PYM1: variants seen among roughly 807,000 people sequenced by gnomAD.
The protein encoded by PYM1 is partner of Y14 and mago.
Under a neutral mutation model 20.7 loss-of-function variants are expected in PYM1, and 7 were observed. That is an observed-to-expected ratio of 0.34 (90% CI 0.19 to 0.64). The LOEUF (loss-of-function observed/expected upper bound fraction) is 0.64. Ranked by LOEUF, PYM1 falls within the 30% of genes least tolerant of loss-of-function variation. The pLI is 0.74. For missense variants in PYM1, 194 were observed against 250.0 expected (o/e 0.78, Z 1.51); for synonymous variants, 100 against 99.2 (o/e 1.01, Z -0.05).
At chr12:55,922,887 A>G in intron 1 of PYM1, among the ~76,000 whole-genome samples, 1 of 152,186 alleles carries the variant, frequency 6.6e-6, no homozygotes, top group Non-Finnish European at 1.5e-5. Context: ...TGAGAACTAA[A>G]TGTTATGTAG....
chr12:55,911,457 G>A (rs758869024), intron 1 of PYM1, among the ~76,000 whole-genome samples: 13 of 152,022 alleles, frequency 8.6e-5, no homozygotes, highest in Non-Finnish European at 1.3e-4. Flanking sequence ...TACAAAGGTC[G>A]GCTTTGCAGA....
At chr12:55,918,007 A>C (rs938941041) in intron 1 of PYM1, among the ~76,000 whole-genome samples, 4 of 152,140 alleles carry the variant, frequency 2.6e-5, no homozygotes, top group African/African-American at 9.7e-5. Context: ...TTGGGTACTA[A>C]GCTCACTATC....
intron 1 of PYM1, 43 bp downstream of exon 1, chr12:55,927,680 CCG>C: frequency 2.0e-6 from 3 of 1,537,148 alleles, no homozygotes; most frequent in Non-Finnish European, 2.6e-6. Flanking sequence ...CACCAGAGAC[CCG>C]CGGGAGGGGC....
intron 1 of PYM1, among the ~76,000 whole-genome samples, chr12:55,904,322 G>A (rs1006787985): frequency 6.6e-5 from 10 of 151,204 alleles, no homozygotes; most frequent in South Asian, 2.1e-4. Flanking sequence ...GGCCAGGCAC[G>A]GTGGCTCATG....
chr12:55,910,534 C>T (rs1882904490), intron 1 of PYM1, among the ~76,000 whole-genome samples: 1 of 152,092 alleles, frequency 6.6e-6, no homozygotes, highest in African/African-American at 2.4e-5. Context: ...CCTCCGCCTC[C>T]TGGGTTCAAG....
intron 2 of PYM1, among the ~76,000 whole-genome samples, chr12:55,902,933 G>C (rs1882721986): frequency 6.6e-6 from 1 of 152,054 alleles, no homozygotes; most frequent in African/African-American, 2.4e-5. Context: ...ACGCCTGGCT[G>C]ATGTTTGTAT....
intron 1 of PYM1, among the ~76,000 whole-genome samples, chr12:55,915,326 A>G (rs1232297452): frequency 6.6e-6 from 1 of 151,724 alleles, no homozygotes; most frequent in African/African-American, 2.4e-5. Context: ...GCATTTTGGA[A>G]ATCCCTGGTT....
At chr12:55,917,375 G>A (rs1463465124) in intron 1 of PYM1, among the ~76,000 whole-genome samples, 6 of 147,392 alleles carry the variant, frequency 4.1e-5, no homozygotes, top group Admixed American at 2.0e-4. Context: ...AGCCAAGGTC[G>A]CACCATTGCA....
chr12:55,905,998 A>ATATCTATTAG (rs1882810074), intron 1 of PYM1, among the ~76,000 whole-genome samples: 1 of 140,290 alleles, frequency 7.1e-6, no homozygotes, highest in South Asian at 2.1e-4. Flanking sequence ...ATATAAAATA[A>ATATCTATTAG]ATAAGTTTTC....
At chr12:55,918,199 G>A (rs905524199) in intron 1 of PYM1, among the ~76,000 whole-genome samples, 8 of 150,920 alleles carry the variant, frequency 5.3e-5, no homozygotes, top group African/African-American at 1.2e-4. Context: ...CCGGGTTCAC[G>A]CCATTCTCCT....
At chr12:55,912,585 AG>A (rs869069815) in intron 1 of PYM1, among the ~76,000 whole-genome samples, 9 of 149,984 alleles carry the variant, frequency 6.0e-5, no homozygotes, top group South Asian at 2.1e-4. Context: ...ACTCCGCAAG[AG>A]GGGGGAAAAA....
chr12:55,903,437 G>A lies in PYM1; in HGVS notation c.81C>T (p.Arg27=). ...ASTQRPDGTW[R]KQRRVKEGYV... ...ATCCTTCTTTCACCCTCCGCTGCTT[G>A]CGCCAGGTCCCGTCAGGTCGCTGTG... The change falls in exon 2 of 3, where the codon CGC becomes CGT. Residue 27 remains arginine, a synonymous_variant. Transcript: ENST00000408946. 6.2e-7 allele frequency: 1 copy of A among 1,614,044 alleles called. No homozygotes were observed. The highest frequency in any genetic ancestry group is 8.5e-7 in the Non-Finnish European group (1 of 1,180,042).
rs190392950 is a variant in PYM1 at position 55,926,595 on chromosome 12, C to T, written c.37+1130G>A. On this transcript the variant is annotated intron_variant, in intron 1 of 2. Transcript: ENST00000408946. ...CTCAGTGACCCAACAAATGAAGATA[C>T]GGGAGAGGAAAAGGTACTATGTAGA... is the stretch of plus-strand genomic sequence containing the variant. Among the ~76,000 whole-genome samples the T allele has an allele frequency of 3.9e-4, 59 of 152,036 alleles. 2 individuals carry two copies. The East Asian group carries it at 4.4e-3, about 11-fold the overall frequency.
chr12:55,914,549 A>G (rs529765378), intron 1 of PYM1, among the ~76,000 whole-genome samples: 68 of 152,280 alleles, frequency 4.5e-4, no homozygotes, highest in Admixed American at 1.2e-3. Context: ...AAACTCTTAC[A>G]CTGAAAGGGT....
intron 1 of PYM1, among the ~76,000 whole-genome samples, chr12:55,921,346 T>C (rs1354376331): frequency 6.6e-6 from 1 of 152,158 alleles, no homozygotes; most frequent in Admixed American, 6.6e-5. Context: ...CCAATTTCAT[T>C]GATGAGAAAA....
chr12:55,907,568 A>G (rs1241239221), intron 1 of PYM1, among the ~76,000 whole-genome samples: 2 of 147,438 alleles, frequency 1.4e-5, no homozygotes. Context: ...AGGGGGTTGG[A>G]GGTTGCAGTA....
chr12:55,905,963 A>T (rs28801479), intron 1 of PYM1, among the ~76,000 whole-genome samples: 10,618 of 52,560 alleles, frequency 0.2, 1,569 homozygotes, highest in African/African-American at 0.45. Flanking sequence ...TATATATCTA[A>T]TAGATATATA....
chr12:55,902,064 C>T lies in PYM1; in HGVS notation c.423G>A (p.Gln141=). 1 of 1,614,162 alleles carries T rather than the reference C, an allele frequency of 6.2e-7. No individual in the cohort carries two copies. The highest frequency in any genetic ancestry group is 1.6e-4 in the Middle Eastern group (1 of 6,062). The change falls in exon 3 of 3, where the codon CAG becomes CAA. Residue 141 remains glutamine (Q), a synonymous_variant. Coordinates refer to ENST00000408946, the MANE Select transcript of PYM1 (RefSeq NM_032345.3). ...TCTCAGTGGTGGCAGCTGAGTCAGG[C>T]TGGTCAGATGCAGCTGTGGGGGCTG... ...SRAAPTAASD[Q]PDSAATTEKA...
intron 1 of PYM1, among the ~76,000 whole-genome samples, chr12:55,910,252 C>CATATATATATATATAT (rs71074876): frequency 2.5e-4 from 36 of 142,762 alleles, no homozygotes; most frequent in African/African-American, 8.6e-4. Flanking sequence ...TGGTTTTATA[C>CATATATATATATATAT]ATATATATAT....
Sources: allele counts gnomAD v4.1 joint callset (sites outside exome capture counted in the v4.1 genomes callset), GRCh38; gene constraint gnomAD v4.1.1; transcripts MANE v1.5; gene names NCBI Gene and HGNC (gene_info 2026-07-23, HGNC 2026-07-21).